HMGB1: variants seen among roughly 807,000 people sequenced by gnomAD.
HMGB1 encodes the protein high mobility group box 1, also known as high mobility group protein B1.
For synonymous variants in HMGB1, 81 were observed against 84.0 expected (o/e 0.96, Z 0.19); for missense variants, 79 against 253.5 (o/e 0.31, Z 4.67).
intron 1 of HMGB1, among the ~76,000 whole-genome samples, chr13:30,521,872 C>T (rs1888246309): frequency 1.3e-5 from 2 of 152,160 alleles, no homozygotes; most frequent in Non-Finnish European, 2.9e-5. Flanking sequence ...CATACTTGTC[C>T]AACACTTGTT....
chr13:30,553,466 A>G (rs542128615), intron 1 of HMGB1, among the ~76,000 whole-genome samples: 1 of 152,362 alleles, frequency 6.6e-6, no homozygotes, highest in South Asian at 2.1e-4. Flanking sequence ...TCTTCACTTT[A>G]TAATGAAGAT....
rs188748967 is a variant in HMGB1, at chr13:30,514,426, T to C, written c.-14-50732A>G. Among the ~76,000 whole-genome samples, 1,199 of 145,880 alleles carry C rather than the reference T, an allele frequency of 8.2e-3. 13 individuals carry two copies. Among genetic ancestry groups the C allele is most frequent in the Non-Finnish European group, 0.012 (807 of 66,066 alleles). On this transcript the variant is annotated intron_variant, in intron 1 of 4. Transcript: ENST00000405805. The stretch of plus-strand genomic sequence containing the variant: ...TTGGACTCAAACTCCTGGGCTCAAG[T>C]GATCCTCCCACCTCAGCCTCCCATG...
At chr13:30,572,717 T>C (rs1870486966) in intron 1 of HMGB1, among the ~76,000 whole-genome samples, 1 of 152,240 alleles carries the variant, frequency 6.6e-6, no homozygotes. Flanking sequence ...ACATTTCTGC[T>C]TTCTCTAATT....
intron 1 of HMGB1, among the ~76,000 whole-genome samples, chr13:30,562,676 G>A (rs1225351917): frequency 6.6e-6 from 1 of 152,196 alleles, no homozygotes; most frequent in Non-Finnish European, 1.5e-5. Context: ...ACGAATCTAA[G>A]AGGTACAAAG....
rs1197366264 is a variant in HMGB1, at chr13:30,464,513, G to A, written c.-14-819C>T. On this transcript the variant is annotated intron_variant, in intron 1 of 4. Transcript: ENST00000341423. ...ACTTCGCCGGTGGCCGCGCGGCCGA[G>A]GAGAGAGGACGCGGCCCGGCTCCCA... 8.1e-6 allele frequency: 8 copies of A among 984,780 alleles called. No individual in the cohort carries two copies. The East Asian group carries it at 8.0e-4, about 98-fold the overall frequency. The allele number at this position is 984,780 out of a possible 1,614,324, so 61.0% of individuals were successfully genotyped here.
chr13:30,503,862 C>CGT (rs1887794001), intron 1 of HMGB1, among the ~76,000 whole-genome samples: 1 of 152,092 alleles, frequency 6.6e-6, no homozygotes, highest in East Asian at 1.9e-4. Context: ...TTTAAGGCTG[C>CGT]AGTGTGCTAT....
intron 1 of HMGB1, among the ~76,000 whole-genome samples, chr13:30,583,839 A>AAAAAAAAGAAAGAAAGAAAG (rs1555242864): frequency 7.3e-6 from 1 of 137,666 alleles, no homozygotes; most frequent in African/African-American, 2.9e-5. Context: ...AAAAAAAAAA[A>AAAAAAAAGAAAGAAAGAAAG]AAAGAAAGAA....
chr13:30,529,220 C>A (rs1051318108), intron 1 of HMGB1, among the ~76,000 whole-genome samples: 1 of 152,050 alleles, frequency 6.6e-6, no homozygotes, highest in Non-Finnish European at 1.5e-5. Flanking sequence ...CAATGTGACC[C>A]TGCACAGTCT....
At chr13:30,613,329 A>G (rs1950530252) in intron 1 of HMGB1, among the ~76,000 whole-genome samples, 2 of 152,204 alleles carry the variant, frequency 1.3e-5, no homozygotes, top group South Asian at 4.2e-4. Context: ...AGCCTTACAC[A>G]TTGTTTTCTT....
rs538399780 is a variant in HMGB1 at position 30,542,277 on chromosome 13, G to T, written c.-15+74394C>A. 2.8e-4 allele frequency: 50 copies of T among 179,952 alleles called. 2 individuals carry two copies. In the South Asian group the frequency reaches 6.4e-3, roughly 23 times the overall value. 11.1% of individuals were successfully genotyped at this position (179,952 alleles called of 1,614,324 possible). ...GTCACTCAGCCCTTCTTCCTTCCCA[G>T]TGAGGGCCTGCATCAGGCGAGGCTC... On this transcript the variant is annotated intron_variant, in intron 1 of 4. Coordinates refer to the HMGB1 transcript ENST00000405805.
chr13:30,469,233 C>A (rs1406660821), upstream of HMGB1, among the ~76,000 whole-genome samples: 1 of 152,088 alleles, frequency 6.6e-6, no homozygotes, highest in Non-Finnish European at 1.5e-5. Context: ...GTCATCCAGT[C>A]GAAGAGGCCT....
At chr13:30,511,448 C>T (rs1170429054) in intron 1 of HMGB1, among the ~76,000 whole-genome samples, 1 of 152,138 alleles carries the variant, frequency 6.6e-6, no homozygotes, top group African/African-American at 2.4e-5. Flanking sequence ...GCCTGCTCCC[C>T]CTTCATCTTC....
chr13:30,616,625 AC>A (rs1950566849), intron 1 of HMGB1: 1 of 152,236 alleles, frequency 6.6e-6, no homozygotes, highest in Non-Finnish European at 1.5e-5. Flanking sequence ...ATATACAAAT[AC>A]ATTAACAATC....
At chr13:30,465,193 G>GGAC (rs1555232498) in intron 1 of HMGB1, 6 of 780,444 alleles carry the variant, frequency 7.7e-6, no homozygotes, top group Non-Finnish European at 7.6e-6. Context: ...CCCGCCGCCC[G>GGAC]GCCGCCGCCG....
intron 1 of HMGB1, among the ~76,000 whole-genome samples, chr13:30,534,666 C>T (rs1272071969): frequency 1.3e-5 from 2 of 149,706 alleles, no homozygotes; most frequent in African/African-American, 5.0e-5. Flanking sequence ...GCAACCTCCG[C>T]CTCCAGGTTC....
intron 1 of HMGB1, among the ~76,000 whole-genome samples, chr13:30,613,674 A>C (rs1950533650): frequency 6.6e-6 from 1 of 152,156 alleles, no homozygotes; most frequent in African/African-American, 2.4e-5. Flanking sequence ...CAGGGCTCAC[A>C]TGAAAAAACA....
intron 1 of HMGB1, among the ~76,000 whole-genome samples, chr13:30,555,254 G>T (rs1203198487): frequency 1.3e-5 from 2 of 151,954 alleles, no homozygotes; most frequent in African/African-American, 4.8e-5. Context: ...TGTTCGCCAG[G>T]ATGGTCTCGA....
At chr13:30,574,409 G>C (rs1870559097) in intron 1 of HMGB1, among the ~76,000 whole-genome samples, 1 of 152,172 alleles carries the variant, frequency 6.6e-6, no homozygotes. Flanking sequence ...CTAACACACT[G>C]TCTACCATAG....
upstream of HMGB1, among the ~76,000 whole-genome samples, chr13:30,469,268 T>G (rs939243204): frequency 3.3e-5 from 5 of 152,216 alleles, no homozygotes; most frequent in African/African-American, 1.2e-4. Context: ...ATGCTCAATT[T>G]AAACAACTGA....
Sources: gnomAD v4.1 joint callset for allele counts (sites outside exome capture counted in the v4.1 genomes callset) on GRCh38, gnomAD v4.1.1 for gene constraint, MANE v1.5 for transcripts, NCBI Gene and HGNC (gene_info 2026-07-23, HGNC 2026-07-21) for gene names.